The following KCNH8 variants were observed in gnomAD, a reference collection of about 807,000 sequenced individuals.
KCNH8 encodes voltage-gated delayed rectifier potassium channel KCNH8.
Under a neutral mutation model 103.6 loss-of-function variants are expected in KCNH8, and 70 were observed. That is an observed-to-expected ratio of 0.68 (90% CI 0.56 to 0.82). The LOEUF (loss-of-function observed/expected upper bound fraction) is 0.82, where lower values mean the gene tolerates loss of function less well. Ranked by LOEUF, KCNH8 falls within the 40% of genes least tolerant of loss-of-function variation. The pLI, the probability that KCNH8 is intolerant of heterozygous loss-of-function variation, is 0.00. For synonymous variants in KCNH8, 498 were observed against 489.4 expected (o/e 1.02, Z -0.23); for missense variants, 1,217 against 1,329.9 (o/e 0.92, Z 1.32).
chr3:19,278,344 G>A (rs1017591545), intron 2 of KCNH8, among the ~76,000 whole-genome samples: 6 of 151,082 alleles, frequency 4.0e-5, no homozygotes, highest in South Asian at 4.2e-4. Flanking sequence ...CTGAATATTC[G>A]TAAGATTATT....
At chr3:19,429,745 A>T (rs1484617548) in intron 7 of KCNH8, among the ~76,000 whole-genome samples, 3 of 152,106 alleles carry the variant, frequency 2.0e-5, no homozygotes, top group Admixed American at 6.5e-5. Context: ...GCCCTCTGAA[A>T]GGCCCCAGTG....
At chr3:19,494,086 G>C (rs1304701104) in intron 11 of KCNH8, among the ~76,000 whole-genome samples, 1 of 152,188 alleles carries the variant, frequency 6.6e-6, no homozygotes, top group African/African-American at 2.4e-5. Context: ...GTGAGAACAT[G>C]CAGTATGTGA....
intron 1 of KCNH8, among the ~76,000 whole-genome samples, chr3:19,221,255 G>A (rs2125231575): frequency 6.6e-6 from 1 of 152,316 alleles, no homozygotes; most frequent in Middle Eastern, 3.4e-3. Context: ...TGAGATACCT[G>A]CTTCATGACT....
chr3:19,456,680 C>T, intron 10 of KCNH8, 88 bp from the exon 11 acceptor site: 1 of 846,284 alleles, frequency 1.2e-6, no homozygotes, highest in East Asian at 2.5e-5. Context: ...TGTAATCTCA[C>T]TGAAAAATGA....
chr3:19,256,330 T>G (rs768058069), intron 2 of KCNH8, among the ~76,000 whole-genome samples: 1 of 152,114 alleles, frequency 6.6e-6, no homozygotes, highest in Non-Finnish European at 1.5e-5. Flanking sequence ...CAAAACACAG[T>G]TCAGACCATT....
chr3:19,297,236 C>T (rs753687819), intron 3 of KCNH8, among the ~76,000 whole-genome samples: 1 of 152,130 alleles, frequency 6.6e-6, no homozygotes, highest in Admixed American at 6.5e-5. Flanking sequence ...AAGCAGCCAC[C>T]GGCTGAGAAT....
At chr3:19,326,382 T>TATATATATATATAA (rs879457927) in intron 3 of KCNH8, among the ~76,000 whole-genome samples, 3 of 142,562 alleles carry the variant, frequency 2.1e-5, no homozygotes, top group African/African-American at 7.9e-5. Context: ...TATATATATA[T>TATATATATATATAA]AATAAATGAT....
rs964192918 is a variant in KCNH8 at position 19,446,228 on chromosome 3, T to C, written c.1376-3878T>C. Among the ~76,000 whole-genome samples, 3 of 152,022 alleles carry C rather than the reference T, an allele frequency of 2.0e-5. No individual in the cohort carries two copies. The South Asian group carries it at 6.2e-4, about 31-fold the overall frequency. On this transcript the variant is annotated intron_variant, in intron 8 of 15. Coordinates refer to ENST00000328405, the MANE Select transcript of KCNH8 (RefSeq NM_144633.3). ...TTTCATACTAAGCAGTGACTGCTTA[T>C]AGTCACCTAATGAGTTTGCCCCAGT...
At chr3:19,420,834 G>T (rs1354257081) in intron 7 of KCNH8, among the ~76,000 whole-genome samples, 1 of 152,082 alleles carries the variant, frequency 6.6e-6, no homozygotes, top group Non-Finnish European at 1.5e-5. Flanking sequence ...TGAAAATCTG[G>T]TATTATTTTA....
At chr3:19,495,021 C>A (rs2068408691) in intron 11 of KCNH8, among the ~76,000 whole-genome samples, 1 of 152,092 alleles carries the variant, frequency 6.6e-6, no homozygotes, top group Non-Finnish European at 1.5e-5. Context: ...CTGTTCCTAT[C>A]CTTTGCCCAC....
At chr3:19,220,947 AGTGG>A (rs1157448172) in intron 1 of KCNH8, among the ~76,000 whole-genome samples, 2 of 152,162 alleles carry the variant, frequency 1.3e-5, no homozygotes, top group African/African-American at 2.4e-5. Context: ...TACTTCCCCT[AGTGG>A]GAGCTTTACC....
At chr3:19,229,088 AC>A (rs546030732) in intron 1 of KCNH8, among the ~76,000 whole-genome samples, 34 of 152,310 alleles carry the variant, frequency 2.2e-4, no homozygotes, top group Admixed American at 8.5e-4. Flanking sequence ...TGACTCTATT[AC>A]TTCTGTCTGT....
intron 1 of KCNH8, among the ~76,000 whole-genome samples, chr3:19,198,426 G>A (rs147497658): frequency 5.1e-4 from 78 of 152,128 alleles, no homozygotes; most frequent in Admixed American, 1.4e-3. Context: ...GTGGGTTCAG[G>A]TTTGGCTGTG....
chr3:19,531,554 G>A (rs1376945988), intron 15 of KCNH8, among the ~76,000 whole-genome samples: 2 of 152,280 alleles, frequency 1.3e-5, no homozygotes, highest in African/African-American at 2.4e-5. Flanking sequence ...CCAGCAGTAG[G>A]GCAGAAATAG....
rs2063381461 is a variant in KCNH8, at chr3:19,174,768, G to A, written c.76+25973G>A. On this transcript the variant is annotated intron_variant, in intron 1 of 15. Coordinates refer to ENST00000328405, the MANE Select transcript of KCNH8 (RefSeq NM_144633.3). ...GAGATGGATATGACTGTTAAAGTCT[G>A]GAGGGTTAAAAAGAAGAAATATATG... 2.6e-5 allele frequency among the ~76,000 whole-genome samples: 4 copies of A among 152,124 alleles called. No homozygotes were observed. The South Asian group carries it at 8.3e-4, about 31-fold the overall frequency.
intron 1 of KCNH8, among the ~76,000 whole-genome samples, chr3:19,157,589 T>G (rs2063193205): frequency 6.6e-6 from 1 of 152,086 alleles, no homozygotes; most frequent in South Asian, 2.1e-4. Context: ...TGGTAGATAT[T>G]AATAATGGCT....
At chr3:19,169,933 T>C (rs1299113556) in intron 1 of KCNH8, among the ~76,000 whole-genome samples, 1 of 152,174 alleles carries the variant, frequency 6.6e-6, no homozygotes, top group Non-Finnish European at 1.5e-5. Flanking sequence ...TTCAATACTT[T>C]GTTACAAAAA....
At chr3:19,429,373 A>G (rs2067084049) in intron 7 of KCNH8, among the ~76,000 whole-genome samples, 1 of 151,222 alleles carries the variant, frequency 6.6e-6, no homozygotes, top group Non-Finnish European at 1.5e-5. Flanking sequence ...ACAGGGTTTC[A>G]CCATGTTAGC....
At chr3:19,179,709 A>G (rs533029657) in intron 1 of KCNH8, among the ~76,000 whole-genome samples, 1 of 152,184 alleles carries the variant, frequency 6.6e-6, no homozygotes, top group Non-Finnish European at 1.5e-5. Flanking sequence ...CGTAGGGGAA[A>G]CAGGATATTA....
Sources: allele counts gnomAD v4.1 joint callset (sites outside exome capture counted in the v4.1 genomes callset), GRCh38; gene constraint gnomAD v4.1.1; transcripts MANE v1.5; gene names NCBI Gene and HGNC (gene_info 2026-07-23, HGNC 2026-07-21).